The following ADCY5 variants were observed in gnomAD, a reference collection of about 807,000 sequenced individuals.
ADCY5 encodes the protein adenylate cyclase type 5.
A neutral mutation model predicts 119.7 loss-of-function variants in ADCY5; 30 were observed. The ratio of observed to expected loss-of-function variants is 0.25; its 90% CI spans 0.19 to 0.34. ADCY5 has a LOEUF of 0.34. ADCY5 is among the 10% of genes least tolerant of loss of function. The pLI, the probability that ADCY5 is intolerant of heterozygous loss-of-function variation, is 1.00. For missense variants in ADCY5, 1,324 were observed against 1,775.2 expected (o/e 0.75, Z 4.57); for synonymous variants, 753 against 762.2 (o/e 0.99, Z 0.20).
intron 16 of ADCY5, chr3:123,296,909 G>T: frequency 8.2e-6 from 11 of 1,337,672 alleles, no homozygotes; most frequent in South Asian, 2.9e-5. Flanking sequence ...AGGCTCCAGT[G>T]ACCCCCCGCC....
At chr3:123,310,575 C>T (rs116688965) in intron 12 of ADCY5, among the ~76,000 whole-genome samples, 2,519 of 152,272 alleles carry the variant, frequency 0.017, 25 homozygotes, top group Non-Finnish European at 0.03. Flanking sequence ...CTCTGAGCTG[C>T]GGACAACGTG....
At chr3:123,324,415 CACACACACA>C (rs1171099667) in intron 8 of ADCY5, among the ~76,000 whole-genome samples, 4 of 17,672 alleles carry the variant, frequency 2.3e-4, no homozygotes, top group African/African-American at 2.2e-3. Context: ...CACACACACA[CACACACACA>C]CACACACACA....
chr3:123,399,302 A>C (rs1243936334), intron 1 of ADCY5, among the ~76,000 whole-genome samples: 1 of 152,224 alleles, frequency 6.6e-6, no homozygotes, highest in Non-Finnish European at 1.5e-5. Context: ...AACTCAGTTT[A>C]CCTGTTTCTT....
At chr3:123,393,541 A>C (rs1209677185) in intron 1 of ADCY5, among the ~76,000 whole-genome samples, 1 of 149,972 alleles carries the variant, frequency 6.7e-6, no homozygotes, top group Non-Finnish European at 1.5e-5. Context: ...TGGGCAACAG[A>C]GTGAGACCCT....
intron 1 of ADCY5, among the ~76,000 whole-genome samples, chr3:123,355,802 T>C (rs991285301): frequency 2.6e-5 from 4 of 152,172 alleles, no homozygotes; most frequent in African/African-American, 9.7e-5. Flanking sequence ...TTTCCCCAAA[T>C]TGATACACAG....
intron 3 of ADCY5, among the ~76,000 whole-genome samples, chr3:123,339,912 G>T (rs1217134148): frequency 6.6e-6 from 1 of 152,230 alleles, no homozygotes; most frequent in Non-Finnish European, 1.5e-5. Context: ...CCTCAGGGGG[G>T]AGTCTATGAG....
intron 1 of ADCY5, among the ~76,000 whole-genome samples, chr3:123,356,594 A>G (rs921291606): frequency 6.6e-6 from 1 of 152,216 alleles, no homozygotes; most frequent in African/African-American, 2.4e-5. Flanking sequence ...TAACTGCAGA[A>G]CCTATCATAC....
chr3:123,348,591 G>C (rs900824239), intron 2 of ADCY5, among the ~76,000 whole-genome samples: 1 of 152,156 alleles, frequency 6.6e-6, no homozygotes, highest in African/African-American at 2.4e-5. Flanking sequence ...GGGGACAGTG[G>C]CCCAGGAGAG....
chr3:123,353,125 G>A (rs549659005), intron 1 of ADCY5, among the ~76,000 whole-genome samples: 17 of 152,294 alleles, frequency 1.1e-4, no homozygotes, highest in South Asian at 8.3e-4. Flanking sequence ...GCCACAGTGG[G>A]TCTCCACTCC....
chr3:123,396,667 ACGGAAAATAAGAACAAAAG>A (rs1169195533), intron 1 of ADCY5, among the ~76,000 whole-genome samples: 1 of 145,994 alleles, frequency 6.8e-6, no homozygotes, highest in African/African-American at 2.6e-5. Context: ...AGAGGGAAAG[ACGGAAAATAAGAACAAAAG>A]AAAGAGAGAG....
intron 2 of ADCY5, among the ~76,000 whole-genome samples, chr3:123,348,804 A>G (rs980132723): frequency 6.6e-6 from 1 of 152,208 alleles, no homozygotes; most frequent in South Asian, 2.1e-4. Context: ...GCTCCCTATC[A>G]GGCTGGTGCA....
rs755943021 is a variant in ADCY5, at chr3:123,352,398, C to T, written c.1284+34G>A. On this transcript the variant is annotated intron_variant, in intron 2 of 20. Coordinates refer to ENST00000462833, the MANE Select transcript of ADCY5 (RefSeq NM_183357.3). The surrounding 1 kb of genome is among the most constrained non-coding windows in gnomAD (Gnocchi z 4.8). ...TGAGGTACATCTCAGGGCTCGACTC[C>T]GTCCCACTGTGCAAGGGCAGGGGCC... 41 of 1,590,694 alleles carry T rather than the reference C, an allele frequency of 2.6e-5. No individual in the cohort carries two copies. The highest frequency in any genetic ancestry group is 3.3e-5 in the Non-Finnish European group (39 of 1,169,204).
chr3:123,339,061 G>A (rs1942157949), intron 3 of ADCY5, among the ~76,000 whole-genome samples: 1 of 152,174 alleles, frequency 6.6e-6, no homozygotes. Flanking sequence ...GGTGGATGGT[G>A]GGAAGGGAGT....
At chr3:123,311,935 G>A (rs976179500) in intron 12 of ADCY5, among the ~76,000 whole-genome samples, 1 of 152,052 alleles carries the variant, frequency 6.6e-6, no homozygotes, top group Admixed American at 6.6e-5. Context: ...CTTGCTCAGT[G>A]AATTTGGCAC....
intron 14 of ADCY5, among the ~76,000 whole-genome samples, chr3:123,300,776 G>A (rs1300102800): frequency 6.6e-6 from 1 of 152,184 alleles, no homozygotes; most frequent in Non-Finnish European, 1.5e-5. Flanking sequence ...GTGTTTTCAT[G>A]ACTCCTGTAG....
At chr3:123,346,890 T>A (rs1942592636) in intron 3 of ADCY5, among the ~76,000 whole-genome samples, 1 of 152,170 alleles carries the variant, frequency 6.6e-6, no homozygotes, top group Non-Finnish European at 1.5e-5. Flanking sequence ...AAGGCCACTG[T>A]ATCGCTTCGT....
chr3:123,404,886 C>T (rs1051849265), intron 1 of ADCY5, among the ~76,000 whole-genome samples: 2 of 152,244 alleles, frequency 1.3e-5, no homozygotes, highest in Admixed American at 1.3e-4. Context: ...CTGTTTTATT[C>T]TATCTATTCA....
intron 1 of ADCY5, among the ~76,000 whole-genome samples, chr3:123,371,325 A>T (rs749132369): frequency 1.3e-5 from 2 of 152,260 alleles, no homozygotes; most frequent in Non-Finnish European, 2.9e-5. Context: ...CTGTGTAAAG[A>T]TTAAGATGAT....
chr3:123,397,461 ACT>A lies in ADCY5; in HGVS notation c.1135-44882_1135-44881del, dbSNP rs939858686. Among the ~76,000 whole-genome samples the A allele has an allele frequency of 4.1e-3, 623 of 152,146 alleles. 4 individuals carry two copies. Among genetic ancestry groups the A allele is most frequent in the African/African-American group, 0.015 (602 of 41,508 alleles). The stretch of plus-strand genomic sequence containing the variant: ...GACCAGCCTTGGCAAAAAAATCAAG[ACT>A]CTGTCTCTACAAAAAGTTTTAAAAT... On this transcript the variant is annotated intron_variant, in intron 1 of 20. Coordinates refer to ENST00000462833, the MANE Select transcript of ADCY5 (RefSeq NM_183357.3).
Sources: gnomAD v4.1 joint callset for allele counts (sites outside exome capture counted in the v4.1 genomes callset) on GRCh38, gnomAD v4.1.1 for gene constraint, Gnocchi (gnomAD v3.1) non-coding constraint, MANE v1.5 for transcripts, NCBI Gene and HGNC (gene_info 2026-07-23, HGNC 2026-07-21) for gene names.